The following CACNA2D3 variants were observed in gnomAD, a reference collection of about 807,000 sequenced individuals.
The protein encoded by CACNA2D3 is calcium voltage-gated channel auxiliary subunit alpha2delta 3.
Under a neutral mutation model 160.6 loss-of-function variants are expected in CACNA2D3, and 60 were observed. The observed-to-expected ratio is 0.37, with a 90% CI of 0.30 to 0.46. The LOEUF is 0.46. CACNA2D3 is among the 20% of genes least tolerant of loss of function. The pLI, the probability that CACNA2D3 is intolerant of heterozygous loss-of-function variation, is 1.00. For synonymous variants in CACNA2D3, 558 were observed against 492.9 expected, an observed-to-expected ratio of 1.13 and a Z score of -1.75; for missense variants, 1,205 against 1,365.0, an observed-to-expected ratio of 0.88 and a Z score of 1.85.
At chr3:54,130,538 C>A (rs980713994) in intron 2 of CACNA2D3, among the ~76,000 whole-genome samples, 1 of 152,030 alleles carries the variant, frequency 6.6e-6, no homozygotes, top group Non-Finnish European at 1.5e-5. Context: ...TGTGATAAGC[C>A]CTTTACTTAT....
chr3:54,242,594 A>G (rs1389698708), intron 2 of CACNA2D3, among the ~76,000 whole-genome samples: 1 of 152,210 alleles, frequency 6.6e-6, no homozygotes, highest in Non-Finnish European at 1.5e-5. Flanking sequence ...TCAACAGTCA[A>G]TCTGCTCGCC....
chr3:54,854,846 T>C (rs947038389), intron 17 of CACNA2D3, among the ~76,000 whole-genome samples: 1 of 152,116 alleles, frequency 6.6e-6, no homozygotes. Context: ...AAAAAGTAAA[T>C]TCGGGTCAGT....
intron 4 of CACNA2D3, among the ~76,000 whole-genome samples, chr3:54,405,996 A>G (rs891345698): frequency 6.6e-6 from 1 of 152,156 alleles, no homozygotes; most frequent in Non-Finnish European, 1.5e-5. Flanking sequence ...AAACTGTGCA[A>G]TATCACTTCA....
chr3:54,572,471 T>A (rs1165970044), intron 8 of CACNA2D3, among the ~76,000 whole-genome samples: 1 of 152,216 alleles, frequency 6.6e-6, no homozygotes, highest in South Asian at 2.1e-4. Context: ...CTATGTGGCA[T>A]GGAGACAGAG....
chr3:55,010,835 C>G (rs1703195413), intron 34 of CACNA2D3, among the ~76,000 whole-genome samples: 1 of 152,188 alleles, frequency 6.6e-6, no homozygotes, highest in African/African-American at 2.4e-5. Context: ...ATGCGTTATC[C>G]TATCTCTTCT....
intron 11 of CACNA2D3, among the ~76,000 whole-genome samples, chr3:54,684,617 A>G (rs1465994866): frequency 6.6e-6 from 1 of 152,084 alleles, no homozygotes; most frequent in Non-Finnish European, 1.5e-5. Flanking sequence ...CCCTTGGTGC[A>G]TTTCCCCTTG....
intron 6 of CACNA2D3, 147 bp from the exon 7 acceptor site, chr3:54,569,648 C>T (rs943543960): frequency 6.0e-6 from 4 of 662,562 alleles, no homozygotes; most frequent in African/African-American, 1.8e-5. Context: ...CTGGATTTGG[C>T]GATGGAGCAT....
chr3:54,633,327 C>G (rs1575395407), intron 10 of CACNA2D3, among the ~76,000 whole-genome samples: 1 of 152,090 alleles, frequency 6.6e-6, no homozygotes, highest in Non-Finnish European at 1.5e-5. Flanking sequence ...AGCTGTGTGA[C>G]CTGGGGCAAG....
At chr3:54,157,129 A>G (rs1700258176) in intron 2 of CACNA2D3, among the ~76,000 whole-genome samples, 1 of 152,200 alleles carries the variant, frequency 6.6e-6, no homozygotes. Flanking sequence ...TCTGGCCTGC[A>G]GACAGCCACC....
chr3:54,505,798 T>A (rs529292456), intron 5 of CACNA2D3, among the ~76,000 whole-genome samples: 1 of 152,358 alleles, frequency 6.6e-6, no homozygotes. Context: ...ACCTCTAGCT[T>A]TAAAGGCATA....
chr3:54,690,629 T>C (rs913726541), intron 11 of CACNA2D3, among the ~76,000 whole-genome samples: 53 of 152,330 alleles, frequency 3.5e-4, no homozygotes, highest in African/African-American at 1.1e-3. Context: ...TTAACTAGAC[T>C]AAATATCCTT....
intron 9 of CACNA2D3, among the ~76,000 whole-genome samples, chr3:54,588,522 G>T (rs1702803416): frequency 6.6e-6 from 1 of 152,082 alleles, no homozygotes; most frequent in African/African-American, 2.4e-5. Flanking sequence ...CCTATTTTCA[G>T]ATAACATGAT....
intron 2 of CACNA2D3, among the ~76,000 whole-genome samples, chr3:54,147,603 G>A (rs1453645922): frequency 6.6e-6 from 1 of 152,258 alleles, no homozygotes; most frequent in Non-Finnish European, 1.5e-5. Context: ...GGCAAGTTAT[G>A]TAACCTTTCT....
intron 11 of CACNA2D3, among the ~76,000 whole-genome samples, chr3:54,696,646 G>A (rs889319314): frequency 1.3e-5 from 2 of 152,150 alleles, no homozygotes; most frequent in African/African-American, 4.8e-5. Flanking sequence ...GTGGTCGGTG[G>A]CTGTATGTGC....
At chr3:54,949,014 T>C (rs1170684472) in intron 27 of CACNA2D3, among the ~76,000 whole-genome samples, 1 of 152,192 alleles carries the variant, frequency 6.6e-6, no homozygotes, top group African/African-American at 2.4e-5. Context: ...TCACCAAGTT[T>C]CTCAGTCTCT....
chr3:54,694,399 T>A (rs1336032096), intron 11 of CACNA2D3, among the ~76,000 whole-genome samples: 1 of 152,188 alleles, frequency 6.6e-6, no homozygotes, highest in East Asian at 1.9e-4. Flanking sequence ...AATAACACAT[T>A]TTTTTAGAAC....
chr3:54,747,619 G>T (rs1701777233), intron 11 of CACNA2D3, among the ~76,000 whole-genome samples: 1 of 152,028 alleles, frequency 6.6e-6, no homozygotes, highest in African/African-American at 2.4e-5. Context: ...CACATGATGT[G>T]GCACCCATTG....
chr3:54,951,911 C>T (rs961920293), intron 27 of CACNA2D3, among the ~76,000 whole-genome samples: 4 of 152,138 alleles, frequency 2.6e-5, no homozygotes, highest in Non-Finnish European at 5.9e-5. Context: ...TGCAGTGACG[C>T]GATCTCGGCT....
At chr3:54,654,142 C>T (rs1246600838) in intron 11 of CACNA2D3, among the ~76,000 whole-genome samples, 2 of 152,150 alleles carry the variant, frequency 1.3e-5, no homozygotes, top group Non-Finnish European at 2.9e-5. Flanking sequence ...TCCATATCTA[C>T]TACTCTTAAA....
Sources: allele counts gnomAD v4.1 joint callset (sites outside exome capture counted in the v4.1 genomes callset), GRCh38; gene constraint gnomAD v4.1.1; transcripts MANE v1.5; gene names NCBI Gene and HGNC (gene_info 2026-07-23, HGNC 2026-07-21).